MAOB: variants seen among roughly 807,000 people sequenced by gnomAD.
MAOB encodes the protein monoamine oxidase B.
MAOB carries 15 observed loss-of-function variants against 41.9 expected under a neutral mutation model. The ratio of observed to expected loss-of-function variants is 0.36; its 90% CI spans 0.24 to 0.55. The LOEUF (loss-of-function observed/expected upper bound fraction) is 0.55, where lower values mean the gene tolerates loss of function less well. MAOB is among the 20% of genes least tolerant of loss of function. The probability of loss-of-function intolerance (pLI) is 0.86; values close to 1 mark genes in which losing one functional copy is unlikely to be tolerated. For synonymous variants in MAOB, 167 were observed against 144.2 expected, an observed-to-expected ratio of 1.16 and a Z score of -1.13; for missense variants, 345 against 398.7, an observed-to-expected ratio of 0.87 and a Z score of 1.15.
intron 8 of MAOB, among the ~76,000 whole-genome samples, chrX:43,785,152 CA>C (rs1208216566): frequency 8.9e-6 from 1 of 112,904 alleles, no homozygotes; most frequent in Non-Finnish European, 1.9e-5. Context: ...CATCTCAAAA[CA>C]AAACAAAACA....
intron 3 of MAOB, among the ~76,000 whole-genome samples, chrX:43,806,715 A>T (rs1489584394): frequency 9.0e-6 from 1 of 111,655 alleles, no homozygotes; most frequent in African/African-American, 3.3e-5. Context: ...AAATTTTTTG[A>T]ATTCTTTTCT....
intron 8 of MAOB, 113 bp downstream of exon 8, chrX:43,793,306 G>A: frequency 3.7e-6 from 2 of 536,244 alleles, no homozygotes; most frequent in Non-Finnish European, 3.0e-6. Flanking sequence ...TAACAAATCT[G>A]CACATGTACC....
intron 8 of MAOB, among the ~76,000 whole-genome samples, chrX:43,783,669 C>T (rs1341462195): frequency 2.7e-5 from 3 of 111,968 alleles, no homozygotes; most frequent in Non-Finnish European, 5.6e-5. Flanking sequence ...GGTGGAGGGG[C>T]TTGCTTCAAT....
chrX:43,848,268 CTT>C (rs1204037618), intron 1 of MAOB, among the ~76,000 whole-genome samples: 8 of 111,509 alleles, frequency 7.2e-5, no homozygotes, highest in Non-Finnish European at 1.5e-4. Flanking sequence ...TCATGCTTGG[CTT>C]TGTCAATCTG....
At chrX:43,855,334 C>G (rs139767675) in intron 1 of MAOB, among the ~76,000 whole-genome samples, 4 of 111,504 alleles carry the variant, frequency 3.6e-5, no homozygotes, top group African/African-American at 9.8e-5. Flanking sequence ...CAGTCCCATC[C>G]TAACAGTGTA....
chrX:43,874,692 C>T (rs1219803202), intron 1 of MAOB, among the ~76,000 whole-genome samples: 1 of 111,221 alleles, frequency 9.0e-6, no homozygotes, highest in African/African-American at 3.3e-5. Context: ...CACCTGCTAA[C>T]TGAAGTCTCT....
At chrX:43,815,367 C>T (rs144089980) in intron 3 of MAOB, among the ~76,000 whole-genome samples, 1,140 of 111,994 alleles carry the variant, frequency 0.01, 14 homozygotes, top group African/African-American at 0.035. Context: ...TCAACATGCA[C>T]ACCAGCACTA....
chrX:43,846,347 A>C (rs1167962740), intron 1 of MAOB, among the ~76,000 whole-genome samples: 2 of 112,787 alleles, frequency 1.8e-5, no homozygotes, highest in African/African-American at 6.4e-5. Context: ...AAATATAAAC[A>C]GTTATTAAAA....
intron 9 of MAOB, 61 bp downstream of exon 9, chrX:43,781,387 A>G (rs1464779438): frequency 1.5e-6 from 1 of 646,627 alleles, no homozygotes; most frequent in Non-Finnish European, 2.2e-6. Context: ...ACATTTGTTA[A>G]TAGTATGTGA....
chrX:43,799,204 C>A (rs1400611449), intron 5 of MAOB, among the ~76,000 whole-genome samples: 1 of 112,108 alleles, frequency 8.9e-6, no homozygotes, highest in Admixed American at 9.5e-5. Context: ...TACATTAAAG[C>A]GACTTACAGT....
intron 1 of MAOB, among the ~76,000 whole-genome samples, chrX:43,868,104 G>A (rs2035377392): frequency 8.9e-6 from 1 of 111,820 alleles, no homozygotes; most frequent in South Asian, 3.7e-4. Context: ...TAAACCTACA[G>A]ACTCCTTTCA....
At chrX:43,820,045 T>A (rs1212574215) in intron 3 of MAOB, among the ~76,000 whole-genome samples, 1 of 112,357 alleles carries the variant, frequency 8.9e-6, no homozygotes, top group Non-Finnish European at 1.9e-5. Flanking sequence ...AAACAACAAC[T>A]CCTATTATAC....
chrX:43,768,306 T>A (rs2034137210), intron 14 of MAOB, among the ~76,000 whole-genome samples: 1 of 111,664 alleles, frequency 9.0e-6, no homozygotes, highest in African/African-American at 3.3e-5. Flanking sequence ...GCTAACACAC[T>A]TTCCTTTCTT....
intron 1 of MAOB, among the ~76,000 whole-genome samples, chrX:43,879,398 C>T (rs938172251): frequency 1.8e-5 from 2 of 112,199 alleles, no homozygotes; most frequent in East Asian, 2.8e-4. Flanking sequence ...AAGCTTAGAA[C>T]GCAGAGTCAA....
chrX:43,848,932 A>G lies in MAOB; in HGVS notation c.47-5168T>C, dbSNP rs751465384. Among the ~76,000 whole-genome samples the G allele has an allele frequency of 3.6e-4, 40 of 112,417 alleles. No individual in the cohort carries two copies. In the South Asian group the frequency reaches 0.015, roughly 41 times the overall value. On this transcript the variant is annotated intron_variant, in intron 1 of 14. Coordinates refer to ENST00000378069, the MANE Select transcript of MAOB (RefSeq NM_000898.5). ...AAACTACCAAGTCATCTTCTCATCA[A>G]ATAACTGGAATTCTCTGATTTCTCT...
chrX:43,804,531 TGATATA>T (rs1438526386), intron 3 of MAOB, among the ~76,000 whole-genome samples: 1 of 110,843 alleles, frequency 9.0e-6, no homozygotes, highest in Non-Finnish European at 1.9e-5. Flanking sequence ...TAGATGATAT[TGATATA>T]GATATAGATG....
chrX:43,865,901 T>G (rs1369503043), intron 1 of MAOB, among the ~76,000 whole-genome samples: 1 of 109,827 alleles, frequency 9.1e-6, no homozygotes, highest in African/African-American at 3.3e-5. Context: ...TGATCAAAAG[T>G]TACCTAGGTC....
intron 8 of MAOB, among the ~76,000 whole-genome samples, chrX:43,785,269 C>CT (rs2034385100): frequency 8.8e-6 from 1 of 113,080 alleles, no homozygotes; most frequent in Non-Finnish European, 1.9e-5. Flanking sequence ...TCACCTTGCA[C>CT]TTTTATGTTA....
intron 1 of MAOB, chrX:43,843,978 A>T (rs1307929088): frequency 1.1e-6 from 1 of 905,453 alleles, no homozygotes; most frequent in Non-Finnish European, 1.4e-6. Flanking sequence ...AAATTTCTCA[A>T]ATCTTAAACA....
Sources: gnomAD v4.1 joint callset for allele counts (sites outside exome capture counted in the v4.1 genomes callset) on GRCh38, gnomAD v4.1.1 for gene constraint, MANE v1.5 for transcripts, NCBI Gene and HGNC (gene_info 2026-07-23, HGNC 2026-07-21) for gene names.